PCDH9: variants seen among roughly 807,000 people sequenced by gnomAD.
PCDH9 encodes protocadherin 9, also known as protocadherin-9.
In PCDH9, 24 loss-of-function variants were observed where a neutral mutation model predicts 70.6. That is an observed-to-expected ratio of 0.34 (90% CI 0.25 to 0.48). PCDH9 has a LOEUF of 0.48. Ranked by LOEUF, PCDH9 falls within the 20% of genes least tolerant of loss-of-function variation. PCDH9 has a pLI of 0.99. For synonymous variants in PCDH9, 562 were observed against 558.5 expected (o/e 1.01, Z -0.09); for missense variants, 1,281 against 1,503.6 (o/e 0.85, Z 2.45).
At chr13:66,986,571 A>G (rs987731790) in intron 2 of PCDH9, among the ~76,000 whole-genome samples, 6 of 152,054 alleles carry the variant, frequency 3.9e-5, no homozygotes, top group African/African-American at 1.2e-4. Flanking sequence ...TCATTTACAC[A>G]ATTGAAGAGG....
chr13:66,957,666 C>T (rs1402882362), intron 2 of PCDH9, among the ~76,000 whole-genome samples: 1 of 151,964 alleles, frequency 6.6e-6, no homozygotes, highest in African/African-American at 2.4e-5. Context: ...GAAGAGACAC[C>T]AGAGATACCT....
chr13:66,558,890 A>T (rs912756228), intron 4 of PCDH9, among the ~76,000 whole-genome samples: 1 of 152,144 alleles, frequency 6.6e-6, no homozygotes. Context: ...TAATTAAGGG[A>T]ACTAAAATTC....
chr13:66,655,910 C>A (rs1183148842), intron 3 of PCDH9, among the ~76,000 whole-genome samples: 1 of 152,084 alleles, frequency 6.6e-6, no homozygotes, highest in Non-Finnish European at 1.5e-5. Flanking sequence ...TTATAAGGAT[C>A]GTTATAAAAA....
chr13:66,546,133 C>T lies in PCDH9; in HGVS notation c.3340+85077G>A, dbSNP rs137880774. Among the ~76,000 whole-genome samples the T allele has an allele frequency of 6.4e-4, 97 of 151,578 alleles. 1 individual carries two copies. The East Asian group carries it at 0.011, about 17-fold the overall frequency. On this transcript the variant is annotated intron_variant, in intron 4 of 4. Coordinates refer to ENST00000377865, the MANE Select transcript of PCDH9 (RefSeq NM_203487.3). ...GATTACAGGCATGAGCCACCGCACC[C>T]GGCCATCTTTATTTTTTAAAGTATA...
At chr13:67,177,435 G>T (rs2088493194) in intron 2 of PCDH9, among the ~76,000 whole-genome samples, 1 of 152,108 alleles carries the variant, frequency 6.6e-6, no homozygotes, top group African/African-American at 2.4e-5. Flanking sequence ...CTCCCAAGAG[G>T]CTCTTTACCA....
At chr13:66,493,776 A>G (rs1959071301) in intron 4 of PCDH9, among the ~76,000 whole-genome samples, 1 of 152,164 alleles carries the variant, frequency 6.6e-6, no homozygotes, top group Admixed American at 6.5e-5. Flanking sequence ...TTATAGAAAC[A>G]GCTCACTTTG....
chr13:66,911,664 A>C (rs1390413238), intron 2 of PCDH9, among the ~76,000 whole-genome samples: 2 of 152,156 alleles, frequency 1.3e-5, no homozygotes, highest in Non-Finnish European at 2.9e-5. Flanking sequence ...TCCTTATATT[A>C]TTACCTTACT....
chr13:67,136,470 T>C (rs914761265), intron 2 of PCDH9, among the ~76,000 whole-genome samples: 2 of 152,158 alleles, frequency 1.3e-5, no homozygotes, highest in Non-Finnish European at 2.9e-5. Context: ...CATGACATTA[T>C]AGTCTAGACC....
intron 2 of PCDH9, chr13:67,225,084 G>A (rs752283654): frequency 2.5e-6 from 3 of 1,183,462 alleles, no homozygotes; most frequent in South Asian, 2.7e-5. Flanking sequence ...ACCCCCAGGA[G>A]CAGAATTTGG....
intron 3 of PCDH9, among the ~76,000 whole-genome samples, chr13:66,794,570 C>CCACCA (rs1291671517): frequency 6.6e-6 from 1 of 152,076 alleles, no homozygotes; most frequent in Non-Finnish European, 1.5e-5. Flanking sequence ...AGGATAACAG[C>CCACCA]CACCATTATC....
intron 2 of PCDH9, among the ~76,000 whole-genome samples, chr13:66,918,834 C>A (rs939278476): frequency 2.0e-5 from 3 of 151,140 alleles, no homozygotes; most frequent in Non-Finnish European, 4.5e-5. Flanking sequence ...TAATTGAACT[C>A]TTACTTGTGC....
intron 3 of PCDH9, among the ~76,000 whole-genome samples, chr13:66,650,088 A>G (rs2138988035): frequency 6.6e-6 from 1 of 152,146 alleles, no homozygotes; most frequent in Middle Eastern, 3.4e-3. Flanking sequence ...AGAGAAGGCC[A>G]CAAAACAACC....
chr13:66,810,687 G>A (rs1219564345), intron 3 of PCDH9, among the ~76,000 whole-genome samples: 1 of 151,640 alleles, frequency 6.6e-6, no homozygotes. Flanking sequence ...ATATTATGCT[G>A]CAAAATTTCT....
At chr13:66,619,076 TTGAC>T (rs1260102856) in intron 4 of PCDH9, among the ~76,000 whole-genome samples, 16 of 152,214 alleles carry the variant, frequency 1.1e-4, no homozygotes, top group African/African-American at 3.6e-4. Flanking sequence ...ACATTTGAGA[TTGAC>T]AGCTTCTAGC....
At chr13:66,761,493 T>C (rs1389122720) in intron 3 of PCDH9, among the ~76,000 whole-genome samples, 1 of 152,204 alleles carries the variant, frequency 6.6e-6, no homozygotes, top group East Asian at 1.9e-4. Context: ...AATTTTTTTC[T>C]TCTGATGCTG....
At chr13:66,604,088 T>C (rs895921897) in intron 4 of PCDH9, among the ~76,000 whole-genome samples, 1 of 151,984 alleles carries the variant, frequency 6.6e-6, no homozygotes, top group African/African-American at 2.4e-5. Context: ...TTCCAATATA[T>C]AGTTTCTCAA....
chr13:66,637,146 T>A (rs1344975527), intron 3 of PCDH9, among the ~76,000 whole-genome samples: 4 of 152,118 alleles, frequency 2.6e-5, no homozygotes, highest in African/African-American at 9.6e-5. Flanking sequence ...CTTAAATCAA[T>A]GCATGCACAC....
At chr13:66,511,806 C>T (rs1959486245) in intron 4 of PCDH9, among the ~76,000 whole-genome samples, 1 of 152,090 alleles carries the variant, frequency 6.6e-6, no homozygotes, top group Non-Finnish European at 1.5e-5. Flanking sequence ...CTTCCTTTGC[C>T]TTCTGCCATG....
chr13:66,978,843 T>C (rs1408404321), intron 2 of PCDH9, among the ~76,000 whole-genome samples: 1 of 150,758 alleles, frequency 6.6e-6, no homozygotes, highest in Admixed American at 6.6e-5. Context: ...TATGAATGTA[T>C]GTATATATGT....
Sources: gnomAD v4.1 joint callset for allele counts (sites outside exome capture counted in the v4.1 genomes callset) on GRCh38, gnomAD v4.1.1 for gene constraint, MANE v1.5 for transcripts, NCBI Gene and HGNC (gene_info 2026-07-23, HGNC 2026-07-21) for gene names.